The following ADGRD1 variants were observed in gnomAD, a reference collection of about 807,000 sequenced individuals.
The protein encoded by ADGRD1 is G-protein coupled receptor 133.
Under a neutral mutation model 113.4 loss-of-function variants are expected in ADGRD1, and 77 were observed. The observed-to-expected ratio is 0.68, with a 90% CI of 0.57 to 0.82. The LOEUF (loss-of-function observed/expected upper bound fraction) is 0.82. ADGRD1 is among the 40% of genes least tolerant of loss of function. The probability of loss-of-function intolerance (pLI) is 0.00; values close to 1 mark genes in which losing one functional copy is unlikely to be tolerated. For missense variants in ADGRD1, 1,036 were observed against 1,139.1 expected, an observed-to-expected ratio of 0.91 and a Z score of 1.30; for synonymous variants, 474 against 475.0, an observed-to-expected ratio of 1.00 and a Z score of 0.03.
At chr12:131,055,301 T>C (rs1055569610) in intron 13 of ADGRD1, among the ~76,000 whole-genome samples, 5 of 152,278 alleles carry the variant, frequency 3.3e-5, no homozygotes, top group African/African-American at 1.2e-4. Flanking sequence ...TCCTTGGCCA[T>C]TGACATGTAG....
intron 20 of ADGRD1, among the ~76,000 whole-genome samples, chr12:131,130,931 G>A (rs1216579468): frequency 2.0e-5 from 3 of 152,222 alleles, no homozygotes; most frequent in Admixed American, 6.5e-5. Flanking sequence ...GAGCCTGAGA[G>A]TTCACACAGA....
chr12:131,045,558 CT>C (rs1349441571), intron 13 of ADGRD1, among the ~76,000 whole-genome samples: 1 of 151,954 alleles, frequency 6.6e-6, no homozygotes, highest in African/African-American at 2.4e-5. Flanking sequence ...ACAGGCCAGC[CT>C]CGCTCAGCAC....
At chr12:131,118,036 G>A (rs1950509281) in intron 18 of ADGRD1, among the ~76,000 whole-genome samples, 1 of 152,224 alleles carries the variant, frequency 6.6e-6, no homozygotes, top group African/African-American at 2.4e-5. Context: ...CCTTGGCCCT[G>A]GTTGAGAACC....
intron 8 of ADGRD1, among the ~76,000 whole-genome samples, chr12:130,997,823 A>G (rs1198785293): frequency 2.6e-5 from 4 of 152,124 alleles, no homozygotes; most frequent in Non-Finnish European, 4.4e-5. Flanking sequence ...AGAGGCTGCA[A>G]TCTCGGCACT....
At chr12:131,134,008 A>G (rs1951004500) in intron 21 of ADGRD1, among the ~76,000 whole-genome samples, 1 of 152,238 alleles carries the variant, frequency 6.6e-6, no homozygotes, top group Non-Finnish European at 1.5e-5. Flanking sequence ...TGGAGAATAG[A>G]ATAAGTGAGG....
chr12:131,066,278 G>T (rs530879558), intron 13 of ADGRD1, among the ~76,000 whole-genome samples: 1 of 152,208 alleles, frequency 6.6e-6, no homozygotes, highest in African/African-American at 2.4e-5. Context: ...GTGATCTCAC[G>T]TCTGCAAGCA....
At chr12:130,974,483 G>T (rs962419206) in intron 4 of ADGRD1, among the ~76,000 whole-genome samples, 1 of 152,164 alleles carries the variant, frequency 6.6e-6, no homozygotes. Flanking sequence ...CATAAAAATT[G>T]TGAATGATTA....
chr12:130,959,465 G>A (rs1315566542), intron 2 of ADGRD1, among the ~76,000 whole-genome samples: 1 of 152,136 alleles, frequency 6.6e-6, no homozygotes. Flanking sequence ...CAGCTACTTG[G>A]GAGGCTGAGG....
chr12:131,055,238 C>T (rs1883752885), intron 13 of ADGRD1, among the ~76,000 whole-genome samples: 1 of 152,078 alleles, frequency 6.6e-6, no homozygotes, highest in Non-Finnish European at 1.5e-5. Context: ...CTACCATGTC[C>T]CTGAGCCACC....
At chr12:131,006,089 T>C in intron 12 of ADGRD1, 42 bp downstream of exon 12, 1 of 1,531,028 alleles carries the variant, frequency 6.5e-7, no homozygotes, top group Non-Finnish European at 9.0e-7. Flanking sequence ...TGGGTGTGCG[T>C]GGGTTTGCTG....
At chr12:131,055,719 A>G (rs537028362) in intron 13 of ADGRD1, among the ~76,000 whole-genome samples, 1 of 152,328 alleles carries the variant, frequency 6.6e-6, no homozygotes, top group East Asian at 1.9e-4. Context: ...CTGTGAGACA[A>G]AGCAGACGAA....
At chr12:131,125,377 C>T (rs765210024) in intron 20 of ADGRD1, among the ~76,000 whole-genome samples, 3 of 152,084 alleles carry the variant, frequency 2.0e-5, no homozygotes, top group Non-Finnish European at 4.4e-5. Flanking sequence ...CTGGCCCCAC[C>T]GAGGAAAGAA....
chr12:130,981,835 G>A (rs2136595830), intron 4 of ADGRD1, 49 bp from the exon 5 acceptor site: 1 of 1,336,124 alleles, frequency 7.5e-7, no homozygotes, highest in Non-Finnish European at 1.0e-6. Context: ...CTTGCGAGAA[G>A]TCAAGTCCCC....
At chr12:131,063,732 C>T (rs779324383) in intron 13 of ADGRD1, among the ~76,000 whole-genome samples, 10 of 152,176 alleles carry the variant, frequency 6.6e-5, no homozygotes, top group Non-Finnish European at 1.0e-4. Flanking sequence ...ATTCATATCA[C>T]GTTATTCTTC....
At position 130,954,679 on chromosome 12, in the gene ADGRD1, C is replaced by T; in HGVS notation, c.103+19C>T. On this transcript the variant is annotated intron_variant, in intron 2 of 24. Transcript: ENST00000261654. This position sits in a 1 kb window ranked among gnomAD's most constrained non-coding sequence, Gnocchi z 4.7. The stretch of plus-strand genomic sequence containing the variant: ...CATCCAGGTAAGAGTGTTTCCTTCT[C>T]ACTCTGAGCACCGCTCTCCCCCTGC... 6.2e-7 allele frequency: 1 copy of T among 1,608,440 alleles called. No individual in the cohort carries two copies. Among genetic ancestry groups the T allele is most frequent in the Non-Finnish European group, 8.5e-7 (1 of 1,177,174 alleles).
chr12:130,986,645 T>TC (rs1873726007), intron 5 of ADGRD1, among the ~76,000 whole-genome samples: 2 of 152,200 alleles, frequency 1.3e-5, no homozygotes, highest in African/African-American at 4.8e-5. Flanking sequence ...TCCTTTTTTT[T>TC]CCTTTTTTGC....
intron 8 of ADGRD1, among the ~76,000 whole-genome samples, chr12:130,996,295 A>C (rs1875331624): frequency 7.0e-6 from 1 of 143,600 alleles, no homozygotes; most frequent in African/African-American, 2.6e-5. Context: ...TGTTGGGTAC[A>C]CCTCCCAGAC....
chr12:131,081,651 C>G (rs1886078954), intron 14 of ADGRD1, among the ~76,000 whole-genome samples: 1 of 152,160 alleles, frequency 6.6e-6, no homozygotes. Flanking sequence ...CAATGCATTG[C>G]TAGTATTTTT....
rs1433428331 is a variant in ADGRD1 at position 131,004,114 on chromosome 12, G to T, written c.1145-72G>T. On this transcript the variant is annotated intron_variant, in intron 10 of 24. Coordinates refer to ENST00000261654, the MANE Select transcript of ADGRD1 (RefSeq NM_198827.5). ...CTGTCAAAAAAGAAAAGCAGACGGGGTTTTGCAGTCTGATTTCCTGCAGCC... is the reference window on the plus strand; with the variant it reads ...CTGTCAAAAAAGAAAAGCAGACGGGTTTTTGCAGTCTGATTTCCTGCAGCC... 5 of 915,084 alleles carry T rather than the reference G, an allele frequency of 5.5e-6. No homozygotes were observed. The East Asian group carries it at 7.4e-5, about 14-fold the overall frequency. 56.7% of individuals were successfully genotyped at this position (915,084 alleles called of 1,614,324 possible). A position where few individuals can be genotyped will look rare whatever the true frequency, so the allele number is the denominator to read the frequency against.
Sources: allele counts gnomAD v4.1 joint callset (sites outside exome capture counted in the v4.1 genomes callset), GRCh38; gene constraint gnomAD v4.1.1; non-coding constraint Gnocchi (gnomAD v3.1); transcripts MANE v1.5; gene names NCBI Gene and HGNC (gene_info 2026-07-23, HGNC 2026-07-21).